GARNL3: variants seen among roughly 807,000 people sequenced by gnomAD.
The protein encoded by GARNL3 is GTPase activating Rap/RanGAP domain like 3.
In GARNL3, 63 loss-of-function variants were observed where a neutral mutation model predicts 125.0. The ratio of observed to expected loss-of-function variants is 0.50; its 90% CI spans 0.41 to 0.62. The LOEUF (loss-of-function observed/expected upper bound fraction) is 0.62, where lower values mean the gene tolerates loss of function less well. Ranked by LOEUF, GARNL3 falls within the 20% of genes least tolerant of loss-of-function variation. GARNL3 has a pLI of 0.00. For missense variants in GARNL3, 994 were observed against 1,244.0 expected (o/e 0.80, Z 3.02); for synonymous variants, 439 against 457.5 (o/e 0.96, Z 0.52).
At chr9:127,363,728 A>G (rs1349474591) in intron 21 of GARNL3, 1 of 152,240 alleles carries the variant, frequency 6.6e-6, no homozygotes, top group Non-Finnish European at 1.5e-5. Context: ...GGGGCACAAA[A>G]AAACACCTGA....
At chr9:127,274,361 A>G (rs1041581676) in intron 1 of GARNL3, among the ~76,000 whole-genome samples, 1 of 152,222 alleles carries the variant, frequency 6.6e-6, no homozygotes, top group Non-Finnish European at 1.5e-5. Flanking sequence ...CACATGCTGT[A>G]ATAAGAATAC....
chr9:127,265,141 T>C (rs905879186), intron 1 of GARNL3, 120 bp downstream of exon 1: 24 of 744,064 alleles, frequency 3.2e-5, no homozygotes, highest in Non-Finnish European at 4.8e-5. Flanking sequence ...AGTGTAAGGA[T>C]TGGATTGGAA....
In GARNL3 at chr9:127,364,358, C is replaced by CA. The variant is rs1831170236; in HGVS notation, c.2095-941dup. The CA allele has an allele frequency of 6.6e-6, 1 of 152,438 alleles. No homozygotes were observed. Among genetic ancestry groups the CA allele is most frequent in the African/African-American group, 2.4e-5 (1 of 41,432 alleles). The allele number at this position is 152,438 out of a possible 1,614,324, so 9.4% of individuals were successfully genotyped here. On this transcript the variant is annotated intron_variant, in intron 21 of 27. Transcript: ENST00000373387. This position sits in a 1 kb window ranked among gnomAD's most constrained non-coding sequence, Gnocchi z 4.2. ...AGAAGATGTCACCCATCAGAGGCTG[C>CA]AGAGGGCAGGATGGATAGATGAGCA...
chr9:127,249,285 G>A (rs2063359014), intron 2 of GARNL3, among the ~76,000 whole-genome samples: 2 of 152,104 alleles, frequency 1.3e-5, no homozygotes, highest in African/African-American at 4.8e-5. Flanking sequence ...GTGCAAAATG[G>A]CATATACAAG....
At chr9:127,345,318 A>C in intron 15 of GARNL3, 85 bp from the exon 16 acceptor site, 2 of 755,382 alleles carry the variant, frequency 2.6e-6, no homozygotes, top group South Asian at 2.2e-5. Flanking sequence ...CTCCTGTTTT[A>C]TTAAATTTTT....
At chr9:127,333,582 G>A (rs1050322992) in intron 9 of GARNL3, among the ~76,000 whole-genome samples, 1 of 152,142 alleles carries the variant, frequency 6.6e-6, no homozygotes, top group African/African-American at 2.4e-5. Context: ...GGGGGATTAA[G>A]GAAGGCTTCT....
At chr9:127,225,726 C>T (rs1474677355) in intron 1 of GARNL3, among the ~76,000 whole-genome samples, 3 of 150,222 alleles carry the variant, frequency 2.0e-5, no homozygotes, top group Non-Finnish European at 3.0e-5. Context: ...AGGTCGGGAG[C>T]TCACCCCTCC....
chr9:127,287,477 G>A (rs1041916373), intron 1 of GARNL3, among the ~76,000 whole-genome samples: 2 of 152,234 alleles, frequency 1.3e-5, no homozygotes, highest in Admixed American at 1.3e-4. Context: ...TTTTCTTCCT[G>A]AAGTGTTAGT....
chr9:127,352,160 TC>T (rs1830453421), intron 17 of GARNL3, among the ~76,000 whole-genome samples: 1 of 152,220 alleles, frequency 6.6e-6, no homozygotes, highest in Admixed American at 6.5e-5. Flanking sequence ...CATTTTATGT[TC>T]CAACACTGGT....
intron 16 of GARNL3, among the ~76,000 whole-genome samples, chr9:127,348,607 C>T (rs1830265878): frequency 6.6e-6 from 1 of 152,186 alleles, no homozygotes; most frequent in Non-Finnish European, 1.5e-5. Flanking sequence ...GCCCAACTCC[C>T]AGGTGTTAAA....
rs774224753 is a variant in GARNL3 at position 127,318,090 on chromosome 9, A to G, written c.466A>G (p.Ser156Gly). 1.2e-6 allele frequency: 2 copies of G among 1,609,748 alleles called. No homozygotes were observed. The highest frequency in any genetic ancestry group is 2.2e-5 in the East Asian group (1 of 44,872). Residue 156 changes from serine to glycine, a missense_variant, in exon 5 of 28, where the codon AGT becomes GGT. By Grantham distance (56) the Ser-to-Gly change is moderately conservative. Transcript: ENST00000373387. ...TACCCAGAAAATATGCCTTCCCTACAGTCCCACAAAAACTCTTTCTGTGAA... is the reference window on the plus strand; with the variant it reads ...TACCCAGAAAATATGCCTTCCCTACGGTCCCACAAAAACTCTTTCTGTGAA... ...TGTQKICLPY[S>G]PTKTLSVKSI...
chr9:127,384,992 A>C lies in GARNL3; in HGVS notation c.2270-35A>C. 7.3e-7 allele frequency: 1 copy of C among 1,379,182 alleles called. No homozygotes were observed. The highest frequency in any genetic ancestry group is 1.0e-6 in the Non-Finnish European group (1 of 980,920). The allele number at this position is 1,379,182 out of a possible 1,614,324, so 85.4% of individuals were successfully genotyped here. ...ACAGCCCCTTCGCGGCCACCAAGCC[A>C]GCAGCTGGGAGGTGACACTCCCGTT... is the stretch of plus-strand genomic sequence containing the variant. On this transcript the variant is annotated intron_variant, in intron 23 of 27. Coordinates refer to ENST00000373387, the MANE Select transcript of GARNL3 (RefSeq NM_032293.5). This position sits in a 1 kb window ranked among gnomAD's most constrained non-coding sequence, Gnocchi z 4.0.
intron 1 of GARNL3, among the ~76,000 whole-genome samples, chr9:127,237,128 G>A (rs568074802): frequency 6.0e-4 from 92 of 152,300 alleles, no homozygotes; most frequent in African/African-American, 2.1e-3. Context: ...GAGCTCCCAG[G>A]ACCACTCTGT....
At chr9:127,366,167 G>A (rs919233410) in intron 22 of GARNL3, among the ~76,000 whole-genome samples, 8 of 152,272 alleles carry the variant, frequency 5.3e-5, no homozygotes, top group African/African-American at 1.4e-4. Context: ...GTAATGCTGG[G>A]TCAGATGTTT....
chr9:127,341,774 A>G (rs1829871745), intron 13 of GARNL3, among the ~76,000 whole-genome samples: 1 of 152,198 alleles, frequency 6.6e-6, no homozygotes, highest in African/African-American at 2.4e-5. Flanking sequence ...TTGAGGTGAA[A>G]TGAAACGAAG....
upstream of GARNL3, among the ~76,000 whole-genome samples, chr9:127,262,895 G>A (rs2063621846): frequency 6.6e-6 from 1 of 152,196 alleles, no homozygotes; most frequent in Admixed American, 6.5e-5. Flanking sequence ...CCCTTGTGCT[G>A]GAGGCCTAGA....
intron 22 of GARNL3, among the ~76,000 whole-genome samples, chr9:127,382,983 G>T (rs1180254407): frequency 6.6e-6 from 1 of 152,192 alleles, no homozygotes; most frequent in Non-Finnish European, 1.5e-5. Flanking sequence ...TCACAAGTGT[G>T]GGAGACAGTA....
intron 1 of GARNL3, among the ~76,000 whole-genome samples, chr9:127,230,308 T>A (rs1237099483): frequency 6.6e-6 from 1 of 152,146 alleles, no homozygotes; most frequent in African/African-American, 2.4e-5. Context: ...TAATGCAAAG[T>A]GCTAAAAACA....
At chr9:127,327,514 G>A (rs1378600004) in intron 7 of GARNL3, among the ~76,000 whole-genome samples, 1 of 152,184 alleles carries the variant, frequency 6.6e-6, no homozygotes, top group East Asian at 1.9e-4. Flanking sequence ...CTTTTGGGCA[G>A]GACAGTGGAA....
Sources: allele counts gnomAD v4.1 joint callset (sites outside exome capture counted in the v4.1 genomes callset), GRCh38; gene constraint gnomAD v4.1.1; non-coding constraint Gnocchi (gnomAD v3.1); transcripts MANE v1.5; gene names NCBI Gene and HGNC (gene_info 2026-07-23, HGNC 2026-07-21).